The following HEATR5A variants were observed in gnomAD, a reference collection of about 807,000 sequenced individuals.
HEATR5A encodes the protein HEAT repeat-containing protein 5A.
In HEATR5A, 178 loss-of-function variants were observed where a neutral mutation model predicts 218.8. The ratio of observed to expected loss-of-function variants is 0.81; its 90% CI spans 0.72 to 0.92. The LOEUF is 0.92. HEATR5A is among the 40% of genes least tolerant of loss of function. The probability of loss-of-function intolerance (pLI) is 0.00; values close to 1 mark genes in which losing one functional copy is unlikely to be tolerated. For synonymous variants in HEATR5A, 864 were observed against 871.6 expected, an observed-to-expected ratio of 0.99 and a Z score of 0.15; for missense variants, 2,420 against 2,418.9, an observed-to-expected ratio of 1.00 and a Z score of -0.01.
chr14:31,355,267 A>AG (rs1901383166), intron 16 of HEATR5A, among the ~76,000 whole-genome samples: 2 of 152,244 alleles, frequency 1.3e-5, no homozygotes, highest in South Asian at 4.1e-4. Flanking sequence ...TATAAAAATT[A>AG]GCCAGGCATG....
chr14:31,337,404 T>G (rs1276362289), intron 22 of HEATR5A, 72 bp downstream of exon 22: 1 of 1,276,938 alleles, frequency 7.8e-7, no homozygotes, highest in South Asian at 1.4e-5. Flanking sequence ...GTTTCAAAAC[T>G]CATGTATATA....
At chr14:31,298,891 G>A (rs967076395) in intron 33 of HEATR5A, among the ~76,000 whole-genome samples, 2 of 151,978 alleles carry the variant, frequency 1.3e-5, no homozygotes, top group Non-Finnish European at 2.9e-5. Context: ...GCCTATACTT[G>A]ATCTTTCCCA....
chr14:31,406,417 A>G (rs1039427876), intron 1 of HEATR5A, among the ~76,000 whole-genome samples: 1 of 152,230 alleles, frequency 6.6e-6, no homozygotes, highest in African/African-American at 2.4e-5. Context: ...TACTTATTAT[A>G]GTCTAAGCAG....
At chr14:31,320,508 T>C in intron 25 of HEATR5A, 1 of 1,274,452 alleles carries the variant, frequency 7.8e-7, no homozygotes, top group African/African-American at 1.5e-5. Flanking sequence ...GGGGAGCTGC[T>C]GTAGGAAGGC....
chr14:31,293,858 G>C (rs767037128), intron 35 of HEATR5A, 33 bp downstream of exon 35: 3 of 1,512,922 alleles, frequency 2.0e-6, no homozygotes, highest in South Asian at 2.4e-5. Flanking sequence ...GATTTTTGTT[G>C]AGACTGAGTA....
chr14:31,395,278 G>A lies in HEATR5A; in HGVS notation c.518C>T (p.Pro173Leu). 6.5e-7 allele frequency: 1 copy of A among 1,531,146 alleles called. No individual in the cohort carries two copies. 94.8% of individuals were successfully genotyped at this position (1,531,146 alleles called of 1,614,324 possible). ...ILNGLGAAAA[P>L]CHRDVYKAAR... is the part of the protein sequence containing the mutation. Reference sequence around the variant, plus strand: ...AGCTTTATAAACATCCCTGTGACAAGGTGCAGCGGCAGCTCCTAGTCCATT... The same window carrying A: ...AGCTTTATAAACATCCCTGTGACAAAGTGCAGCGGCAGCTCCTAGTCCATT... Residue 173 changes from proline to leucine, a missense_variant, in exon 5 of 36, where the codon CCT becomes CTT. Transcript: ENST00000543095.
chr14:31,377,422 A>AC (rs11398889), intron 11 of HEATR5A, among the ~76,000 whole-genome samples: 143,223 of 152,124 alleles, frequency 0.94, 67,817 homozygotes, highest in Non-Finnish European at 1. Flanking sequence ...ATACCTAAAA[A>AC]AAAAACCTCA....
chr14:31,370,416 C>A (rs1901995592), intron 13 of HEATR5A, among the ~76,000 whole-genome samples: 1 of 152,046 alleles, frequency 6.6e-6, no homozygotes, highest in Admixed American at 6.6e-5. Context: ...AATGAGATAC[C>A]ATTTTTTACC....
intron 14 of HEATR5A, 88 bp from the exon 15 acceptor site, chr14:31,359,145 C>A: frequency 7.9e-7 from 1 of 1,262,558 alleles, no homozygotes; most frequent in Non-Finnish European, 1.1e-6. Context: ...CTTTAATGCA[C>A]CCACTGGCCA....
At chr14:31,368,515 T>C (rs1274863952) in intron 13 of HEATR5A, among the ~76,000 whole-genome samples, 3 of 151,836 alleles carry the variant, frequency 2.0e-5, no homozygotes, top group African/African-American at 7.3e-5. Flanking sequence ...TATAAGAAAA[T>C]ATAACTTTGC....
At position 31,400,305 on chromosome 14, in the gene HEATR5A, T is replaced by C; in HGVS notation, c.334A>G (p.Lys112Glu). The C allele has an allele frequency of 6.5e-7, 1 of 1,528,100 alleles. No individual in the cohort carries two copies. Among genetic ancestry groups the C allele is most frequent in the East Asian group, 2.4e-5 (1 of 40,850 alleles). 94.7% of individuals were successfully genotyped at this position (1,528,100 alleles called of 1,614,324 possible). The change falls in exon 3 of 36, where the codon AAG becomes GAG. Residue 112 changes from lysine (K) to glutamate (E), a missense_variant. Lys to Glu is a moderately conservative substitution (Grantham distance 56). Transcript: ENST00000543095. ...KDDSPSYLPT[K>E]LAAVVCLGSL... ...CTGTTTTAATGTTTCACTTACAGCT[T>C]AGTGGGAAGATAACTTGGAGAATCA...
At chr14:31,418,947 T>C (rs1178032556) in intron 1 of HEATR5A, among the ~76,000 whole-genome samples, 8 of 152,192 alleles carry the variant, frequency 5.3e-5, no homozygotes, top group Non-Finnish European at 8.8e-5. Flanking sequence ...TTTTTTTCTG[T>C]AGATAATATA....
chr14:31,301,957 T>C (rs1899397165), intron 33 of HEATR5A, among the ~76,000 whole-genome samples: 1 of 150,998 alleles, frequency 6.6e-6, no homozygotes, highest in African/African-American at 2.4e-5. Context: ...GAGACAGCAT[T>C]GGGTAGCTGG....
chr14:31,338,352 T>C (rs1900733729), intron 21 of HEATR5A, among the ~76,000 whole-genome samples: 1 of 152,082 alleles, frequency 6.6e-6, no homozygotes, highest in African/African-American at 2.4e-5. Context: ...GCAGAAAACA[T>C]TCACCAAAAA....
intron 2 of HEATR5A, among the ~76,000 whole-genome samples, chr14:31,401,522 C>T (rs544384483): frequency 1.2e-4 from 18 of 152,106 alleles, no homozygotes; most frequent in Non-Finnish European, 2.1e-4. Flanking sequence ...AGTGTGAGAA[C>T]GGACTAATAC....
At chr14:31,293,814 G>T in intron 35 of HEATR5A, 77 bp downstream of exon 35, 2 of 1,229,638 alleles carry the variant, frequency 1.6e-6, no homozygotes, top group Admixed American at 2.0e-5. Context: ...TAATGTGACT[G>T]ATTGTTTTGC....
intron 1 of HEATR5A, among the ~76,000 whole-genome samples, chr14:31,415,440 T>TA (rs1317521296): frequency 3.9e-5 from 6 of 152,236 alleles, no homozygotes; most frequent in South Asian, 2.1e-4. Context: ...AACTAACTGA[T>TA]ATTTCTGCAG....
At chr14:31,395,487 A>C (rs1380336800) in intron 4 of HEATR5A, 139 bp from the exon 5 acceptor site, 5 of 429,226 alleles carry the variant, frequency 1.2e-5, no homozygotes, top group African/African-American at 2.0e-5. Flanking sequence ...ACATCAAGAA[A>C]CAAGTTACTA....
At position 31,292,031 on chromosome 14, in the gene HEATR5A, T is replaced by TAAC. The variant is rs1899047793; in HGVS notation, c.*1271_*1273dup. On this transcript the variant is annotated 3_prime_UTR_variant, in exon 36 of 36. Transcript: ENST00000543095. ...GACACAGTGCTTGATTCACACAGTA[T>TAAC]AACACTGAAGTAGAAGGAGAATCAA... is the stretch of plus-strand genomic sequence containing the variant. 6.6e-6 allele frequency: 1 copy of TAAC among 152,240 alleles called. No individual in the cohort carries two copies. Among genetic ancestry groups the TAAC allele is most frequent in the South Asian group, 2.1e-4 (1 of 4,834 alleles). 9.4% of individuals were successfully genotyped at this position (152,240 alleles called of 1,614,324 possible).
Sources: gnomAD v4.1 joint callset for allele counts (sites outside exome capture counted in the v4.1 genomes callset) on GRCh38, gnomAD v4.1.1 for gene constraint, MANE v1.5 for transcripts, NCBI Gene and HGNC (gene_info 2026-07-23, HGNC 2026-07-21) for gene names.